Variants in MDN1 observed in about 807,000 individuals in gnomAD.
The protein encoded by MDN1 is midasin.
MDN1 carries 266 observed loss-of-function variants against 669.2 expected under a neutral mutation model. The observed-to-expected ratio is 0.40, with a 90% confidence interval of 0.36 to 0.44. The LOEUF is 0.44. Among genes scored for constraint, MDN1 ranks in the 20% least tolerant of loss-of-function variants. The pLI is 1.00. For missense variants in MDN1, 5,940 were observed against 6,754.0 expected (o/e 0.88, Z 4.22); for synonymous variants, 2,385 against 2,457.1 (o/e 0.97, Z 0.87).
At chr6:89,809,074 G>A (rs958084302) in intron 1 of MDN1, among the ~76,000 whole-genome samples, 26 of 150,764 alleles carry the variant, frequency 1.7e-4, no homozygotes, top group African/African-American at 5.4e-4. Flanking sequence ...AAAATTAGCC[G>A]GACATGGTGG....
chr6:89,680,067 G>A (rs183806565), intron 74 of MDN1, among the ~76,000 whole-genome samples: 1 of 152,322 alleles, frequency 6.6e-6, no homozygotes, highest in African/African-American at 2.4e-5. Flanking sequence ...GTAGTCAGAG[G>A]CTGCCAGGGG....
Position 89,753,846 on chromosome 6 carries a change from C to T in MDN1, c.2965-224G>A, listed in dbSNP as rs1381358176. Among the ~76,000 whole-genome samples, 5 of 151,826 alleles carry T rather than the reference C, an allele frequency of 3.3e-5. No individual in the cohort carries two copies. The East Asian group carries it at 7.7e-4, about 23-fold the overall frequency. ...GGAGGACAGCTTGAGCCCAGGAGTTCGAGACCAGAGTGGGAACACAGTGAC... is the reference window on the plus strand; with the variant it reads ...GGAGGACAGCTTGAGCCCAGGAGTTTGAGACCAGAGTGGGAACACAGTGAC... On this transcript the variant is annotated intron_variant, in intron 21 of 101. Coordinates refer to ENST00000369393, the MANE Select transcript of MDN1 (RefSeq NM_014611.3).
At chr6:89,788,769 A>G (rs1322011010) in intron 7 of MDN1, among the ~76,000 whole-genome samples, 1 of 152,230 alleles carries the variant, frequency 6.6e-6, no homozygotes, top group African/African-American at 2.4e-5. Context: ...CAGGTAACAA[A>G]GGCAAGAGAG....
intron 15 of MDN1, 123 bp downstream of exon 15, chr6:89,771,438 G>T: frequency 1.2e-6 from 1 of 825,844 alleles, no homozygotes; most frequent in South Asian, 1.8e-5. Context: ...CCTTATCTGA[G>T]AAAACTCTTT....
rs903887917 is a variant in MDN1, at chr6:89,723,633, A to T, written c.5671-14T>A. On this transcript the variant is annotated splice_polypyrimidine_tract_variant and intron_variant, in intron 38 of 101. Coordinates refer to ENST00000369393, the MANE Select transcript of MDN1 (RefSeq NM_014611.3). Reference sequence around the variant, plus strand: ...ATCAACGAAGACCTAGAAATCCAAAAATAATATGAAGAAATGCCTTTGTTT... The same window carrying T: ...ATCAACGAAGACCTAGAAATCCAAATATAATATGAAGAAATGCCTTTGTTT... 9 of 1,439,904 alleles carry T rather than the reference A, an allele frequency of 6.3e-6. No homozygotes were observed. The African/African-American group carries it at 1.2e-4, about 18-fold the overall frequency. 89.2% of individuals were successfully genotyped at this position (1,439,904 alleles called of 1,614,324 possible).
chr6:89,803,834 G>T (rs1435770444), intron 1 of MDN1, among the ~76,000 whole-genome samples: 1 of 149,580 alleles, frequency 6.7e-6, no homozygotes, highest in Non-Finnish European at 1.5e-5. Context: ...GCCCGCCTCA[G>T]CCTCCCAAAG....
At chr6:89,724,778 A>C (rs1262786182) in intron 38 of MDN1, among the ~76,000 whole-genome samples, 1 of 152,230 alleles carries the variant, frequency 6.6e-6, no homozygotes. Flanking sequence ...AATGTTAATA[A>C]TGACTGACTG....
In MDN1 at chr6:89,674,531, G is replaced by A. The variant is rs747135271; in HGVS notation, c.12820C>T (p.Pro4274Ser). 5.0e-6 allele frequency: 8 copies of A among 1,603,452 alleles called. No individual in the cohort carries two copies. Among genetic ancestry groups the A allele is most frequent in the African/African-American group, 1.3e-5 (1 of 74,890 alleles). Residue 4274 changes from proline to serine, a missense_variant, in exon 79 of 102, where the codon CCC becomes TCC. By Grantham distance (74) the Pro-to-Ser change is moderately conservative (BLOSUM62 -1). This residue lies in a region of MDN1 where 2,280 missense variants were observed against 2,576.3 expected (regional missense o/e 0.88). Coordinates refer to ENST00000369393, the MANE Select transcript of MDN1 (RefSeq NM_014611.3). The stretch of plus-strand genomic sequence containing the variant: ...CCATCCTGAGGGGGGAAGGCCACGG[G>A]GTAGGCCTGGGGCCCCATCAGCCTG... ...HSRLMGPQAY[P>S]VAFPPQDGVQ...
intron 20 of MDN1, among the ~76,000 whole-genome samples, 157 bp from the exon 21 acceptor site, chr6:89,754,387 C>T (rs1426891364): frequency 6.6e-6 from 1 of 152,198 alleles, no homozygotes; most frequent in Non-Finnish European, 1.5e-5. Context: ...CTCTTTTAAA[C>T]CTACTTTTCA....
At chr6:89,749,003 G>A (rs1816815704) in intron 26 of MDN1, among the ~76,000 whole-genome samples, 1 of 151,974 alleles carries the variant, frequency 6.6e-6, no homozygotes, top group Admixed American at 6.6e-5. Context: ...GGTCAAGGCT[G>A]CAATGAGCTA....
At chr6:89,709,964 T>C (rs1813775414) in intron 50 of MDN1, among the ~76,000 whole-genome samples, 1 of 152,190 alleles carries the variant, frequency 6.6e-6, no homozygotes, top group African/African-American at 2.4e-5. Context: ...TCAGTGGCAC[T>C]ATCACAGCTC....
intron 7 of MDN1, 42 bp downstream of exon 7, chr6:89,789,738 G>A (rs368330828): frequency 1.8e-4 from 278 of 1,542,718 alleles, no homozygotes; most frequent in Non-Finnish European, 2.3e-4. Flanking sequence ...TCCAAGACAG[G>A]AAAATATATT....
chr6:89,686,030 C>G (rs1035275540), intron 69 of MDN1, 57 bp from the exon 70 acceptor site: 3 of 1,539,772 alleles, frequency 1.9e-6, no homozygotes, highest in Non-Finnish European at 1.8e-6. Flanking sequence ...CTCCCTATTC[C>G]TAACATGCAC....
Position 89,680,690 on chromosome 6 carries a change from C to A in MDN1, c.12164G>T (p.Arg4055Leu). ...APSGLEGELL[R>L]RLPKLRKRMR... The stretch of plus-strand genomic sequence containing the variant: ...GCGTTTCCTGAGCTTTGGCAAGCGA[C>A]GCAGAAGCTCCCCTTCCAAGCCGGA... The change falls in exon 74 of 102, where the codon CGT (arginine) becomes CTT (leucine). Residue 4055 changes from arginine (R) to leucine (L), a missense_variant. Transcript: ENST00000369393. The A allele has an allele frequency of 1.2e-6, 2 of 1,614,152 alleles. No individual in the cohort carries two copies. Among genetic ancestry groups the A allele is most frequent in the Non-Finnish European group, 8.5e-7 (1 of 1,180,002 alleles).
Position 89,703,393 on chromosome 6 carries a change from CCT to C in MDN1, c.8149-1334_8149-1333del, listed in dbSNP as rs1813296583. On this transcript the variant is annotated intron_variant, in intron 53 of 101. Transcript: ENST00000369393. The stretch of plus-strand genomic sequence containing the variant: ...AAGGGGGGGGGGTCTATCTGTGAAT[CCT>C]CTGTTTTATTGGTTTAAATGTCTAT... 3.3e-5 allele frequency among the ~76,000 whole-genome samples: 5 copies of C among 150,880 alleles called. No individual in the cohort carries two copies. In the East Asian group the frequency reaches 7.8e-4, roughly 23 times the overall value.
chr6:89,714,676 A>T lies in MDN1; in HGVS notation c.6936T>A (p.Ile2312=). 2 of 1,614,168 alleles carry T rather than the reference A, an allele frequency of 1.2e-6. No homozygotes were observed. Among genetic ancestry groups the T allele is most frequent in the African/African-American group, 2.7e-5 (2 of 75,048 alleles). ...AMRNRGLEIY[I]SGEGDASTPD... The stretch of plus-strand genomic sequence containing the variant: ...GGGTGCTTGCATCCCCTTCCCCTGA[A>T]ATGTAGATTTCAAGTCCACGATTCC... The change falls in exon 46 of 102, where the codon ATT becomes ATA. Residue 2312 remains isoleucine (I), a synonymous_variant. Transcript: ENST00000369393.
chr6:89,731,795 ACCG>A (rs1815613068), intron 34 of MDN1, among the ~76,000 whole-genome samples: 1 of 60,922 alleles, frequency 1.6e-5, no homozygotes, highest in Admixed American at 2.9e-4. Flanking sequence ...AATTCATAGT[ACCG>A]CCCCCCCCCC....
At chr6:89,652,868 T>C (rs1808981634) in intron 94 of MDN1, 124 bp downstream of exon 94, 5 of 1,027,210 alleles carry the variant, frequency 4.9e-6, no homozygotes, top group South Asian at 1.7e-5. Flanking sequence ...AATAAGAACA[T>C]GAAACCCCTC....
chr6:89,803,895 C>CTTTTTTTTTTTTTTTT (rs56246331), intron 1 of MDN1, among the ~76,000 whole-genome samples: 2 of 76,414 alleles, frequency 2.6e-5, no homozygotes, highest in Non-Finnish European at 4.7e-5. Flanking sequence ...CTTTTCTTTT[C>CTTTTTTTTTTTTTTTT]TTTTTTTTTT....
Sources: gnomAD v4.1 joint callset for allele counts (sites outside exome capture counted in the v4.1 genomes callset) on GRCh38, gnomAD v4.1.1 for gene constraint, gnomAD v4.1.1 regional missense constraint, MANE v1.5 for transcripts, NCBI Gene and HGNC (gene_info 2026-07-23, HGNC 2026-07-21) for gene names.